SGCZ: variants seen among roughly 807,000 people sequenced by gnomAD.
The protein encoded by SGCZ is sarcoglycan zeta.
Under a neutral mutation model 41.3 loss-of-function variants are expected in SGCZ, and 40 were observed. The observed-to-expected ratio is 0.97, with a 90% CI of 0.75 to 1.26. The LOEUF (loss-of-function observed/expected upper bound fraction) is 1.26, where lower values mean the gene tolerates loss of function less well. Ranked by LOEUF, SGCZ falls within the 50% of genes most tolerant of loss-of-function variation. The pLI is 0.00. For missense variants in SGCZ, 552 were observed against 369.8 expected (o/e 1.49, Z -4.04); for synonymous variants, 206 against 137.5 (o/e 1.50, Z -3.49).
intron 1 of SGCZ, among the ~76,000 whole-genome samples, chr8:14,659,789 G>C (rs1807690516): frequency 6.6e-6 from 1 of 152,116 alleles, no homozygotes; most frequent in Admixed American, 6.6e-5. Context: ...CTTAAATCCA[G>C]TACCTCACAG....
At chr8:14,636,732 T>A (rs1161404058) in intron 1 of SGCZ, among the ~76,000 whole-genome samples, 2 of 151,850 alleles carry the variant, frequency 1.3e-5, no homozygotes, top group African/African-American at 2.4e-5. Context: ...ATATGGGAAG[T>A]AACTTAAACC....
rs183255594 is a variant in SGCZ at position 14,144,147 on chromosome 8, A to G, written c.547+20433T>C. 9.6e-4 allele frequency among the ~76,000 whole-genome samples: 146 copies of G among 152,262 alleles called. 1 individual carries two copies. Among genetic ancestry groups the G allele is most frequent in the Non-Finnish European group, 2.6e-4 (18 of 68,022 alleles). ...GGCATGTGACTGACATACTGAGACA[A>G]CAGCCGGGACAGCCAAGGTAATACT... On this transcript the variant is annotated intron_variant, in intron 5 of 7. Coordinates refer to ENST00000382080, the MANE Select transcript of SGCZ (RefSeq NM_139167.4).
At chr8:14,603,076 G>C (rs761067256) in intron 1 of SGCZ, among the ~76,000 whole-genome samples, 2 of 152,102 alleles carry the variant, frequency 1.3e-5, no homozygotes, top group Non-Finnish European at 2.9e-5. Context: ...CTTGACATAC[G>C]CCGGGGGCAA....
intron 1 of SGCZ, among the ~76,000 whole-genome samples, chr8:14,618,585 T>G (rs1426857929): frequency 6.6e-6 from 1 of 152,226 alleles, no homozygotes; most frequent in Non-Finnish European, 1.5e-5. Flanking sequence ...TGCAGTGTTT[T>G]GTACTCATTC....
intron 1 of SGCZ, among the ~76,000 whole-genome samples, chr8:15,043,710 T>G (rs937693414): frequency 2.0e-5 from 3 of 152,118 alleles, no homozygotes; most frequent in Non-Finnish European, 4.4e-5. Flanking sequence ...GAGGAAATAC[T>G]TTTGGAATTC....
At chr8:14,370,584 G>A (rs777688134) in intron 2 of SGCZ, among the ~76,000 whole-genome samples, 19 of 151,692 alleles carry the variant, frequency 1.3e-4, no homozygotes, top group Non-Finnish European at 2.2e-4. Context: ...TTCAGCACTA[G>A]TGTTAAGTAT....
intron 1 of SGCZ, among the ~76,000 whole-genome samples, chr8:15,211,251 C>A (rs1463891829): frequency 6.7e-6 from 1 of 149,874 alleles, no homozygotes; most frequent in Non-Finnish European, 1.5e-5. Context: ...TTATCCTTGG[C>A]CACCACAAGT....
intron 1 of SGCZ, among the ~76,000 whole-genome samples, chr8:14,593,482 C>T (rs898018949): frequency 2.6e-5 from 4 of 152,058 alleles, no homozygotes; most frequent in South Asian, 2.1e-4. Context: ...TTTGTTTTAG[C>T]GGCAATGGGA....
chr8:14,923,177 G>C (rs758945073), intron 1 of SGCZ, among the ~76,000 whole-genome samples: 6 of 152,134 alleles, frequency 3.9e-5, no homozygotes, highest in African/African-American at 1.4e-4. Flanking sequence ...TACAGATTTG[G>C]TTCCTCTACT....
intron 1 of SGCZ, among the ~76,000 whole-genome samples, chr8:14,887,217 G>C (rs1418962845): frequency 1.3e-5 from 2 of 152,136 alleles, no homozygotes; most frequent in African/African-American, 4.8e-5. Context: ...CCTCATCATA[G>C]AGATTATATT....
chr8:14,800,948 T>A (rs187153668), intron 1 of SGCZ, among the ~76,000 whole-genome samples: 2 of 152,268 alleles, frequency 1.3e-5, no homozygotes, highest in African/African-American at 4.8e-5. Flanking sequence ...CTTCTGCACA[T>A]GTTAGTATTT....
chr8:14,123,043 T>C (rs183867493), intron 5 of SGCZ, among the ~76,000 whole-genome samples: 3 of 152,328 alleles, frequency 2.0e-5, no homozygotes, highest in Admixed American at 2.0e-4. Flanking sequence ...GAAGTCATGA[T>C]AGTTCTGTCA....
chr8:15,220,717 C>T (rs190710048), intron 1 of SGCZ, among the ~76,000 whole-genome samples: 7 of 152,166 alleles, frequency 4.6e-5, no homozygotes, highest in African/African-American at 7.2e-5. Context: ...TGCATACGTA[C>T]GTTTATTGCA....
At chr8:14,246,650 G>C (rs1351819183) in intron 3 of SGCZ, among the ~76,000 whole-genome samples, 1 of 151,582 alleles carries the variant, frequency 6.6e-6, no homozygotes, top group Non-Finnish European at 1.5e-5. Context: ...GCTGAAGCCT[G>C]TAATCCCAGC....
intron 1 of SGCZ, among the ~76,000 whole-genome samples, chr8:14,871,854 G>A (rs1463544747): frequency 2.7e-5 from 4 of 150,272 alleles, no homozygotes; most frequent in African/African-American, 9.8e-5. Flanking sequence ...GTATATATAT[G>A]CATGTATGTA....
chr8:14,268,303 T>C (rs1799945644), intron 3 of SGCZ, among the ~76,000 whole-genome samples: 1 of 148,160 alleles, frequency 6.7e-6, no homozygotes, highest in African/African-American at 2.5e-5. Context: ...TATATATATT[T>C]GTTATAGTTA....
chr8:14,513,448 T>A (rs1358231779), intron 2 of SGCZ, among the ~76,000 whole-genome samples: 1 of 110,156 alleles, frequency 9.1e-6, no homozygotes, highest in African/African-American at 3.8e-5. Flanking sequence ...GTCCATAGAG[T>A]TTATTTGTAA....
At chr8:14,607,820 A>G (rs761380658) in intron 1 of SGCZ, among the ~76,000 whole-genome samples, 6 of 152,204 alleles carry the variant, frequency 3.9e-5, no homozygotes, top group Non-Finnish European at 7.4e-5. Context: ...ATCTACACCT[A>G]TGTGCCCAGT....
rs759805008 is a variant in SGCZ at position 14,112,149 on chromosome 8, G to GA, written c.548-3915dup. 2.6e-5 allele frequency among the ~76,000 whole-genome samples: 4 copies of GA among 152,070 alleles called. No individual in the cohort carries two copies. The East Asian group carries it at 7.7e-4, about 29-fold the overall frequency. On this transcript the variant is annotated intron_variant, in intron 5 of 7. Coordinates refer to ENST00000382080, the MANE Select transcript of SGCZ (RefSeq NM_139167.4). The stretch of plus-strand genomic sequence containing the variant: ...GAAAGGCAAGAACACCTCACATTGA[G>GA]AAAAAGAAAGTCAGGCAGGAAATTA...
Sources: allele counts gnomAD v4.1 joint callset (sites outside exome capture counted in the v4.1 genomes callset), GRCh38; gene constraint gnomAD v4.1.1; transcripts MANE v1.5; gene names NCBI Gene and HGNC (gene_info 2026-07-23, HGNC 2026-07-21).